The following ADAMTSL1 variants were observed in gnomAD, a reference collection of about 807,000 sequenced individuals.
ADAMTSL1 encodes the protein ADAMTS like 1.
ADAMTSL1 carries 126 observed loss-of-function variants against 201.8 expected under a neutral mutation model. That is an observed-to-expected ratio of 0.62 (90% CI 0.54 to 0.72). The LOEUF is 0.72. Ranked by LOEUF, ADAMTSL1 falls within the 30% of genes least tolerant of loss-of-function variation. The pLI is 0.00. For synonymous variants in ADAMTSL1, 1,121 were observed against 903.4 expected, an observed-to-expected ratio of 1.24 and a Z score of -4.32; for missense variants, 2,679 against 2,277.8, an observed-to-expected ratio of 1.18 and a Z score of -3.59.
At chr9:18,554,542 T>G (rs1257727152) in intron 3 of ADAMTSL1, among the ~76,000 whole-genome samples, 1 of 151,802 alleles carries the variant, frequency 6.6e-6, no homozygotes, top group Non-Finnish European at 1.5e-5. Flanking sequence ...CTAAGTGAAT[T>G]GTTTCCCAAA....
intron 2 of ADAMTSL1, among the ~76,000 whole-genome samples, chr9:18,385,848 A>G (rs1483608847): frequency 6.6e-6 from 1 of 152,202 alleles, no homozygotes; most frequent in Non-Finnish European, 1.5e-5. Flanking sequence ...ATGGTGCAGG[A>G]AAGGAGTTAT....
intron 20 of ADAMTSL1, among the ~76,000 whole-genome samples, chr9:18,801,911 C>T (rs879375171): frequency 6.6e-6 from 1 of 152,078 alleles, no homozygotes; most frequent in Non-Finnish European, 1.5e-5. Flanking sequence ...CTTTTAACAG[C>T]TTTATCAAGG....
At chr9:18,893,486 G>T (rs1040481159) in intron 26 of ADAMTSL1, among the ~76,000 whole-genome samples, 1 of 152,096 alleles carries the variant, frequency 6.6e-6, no homozygotes, top group East Asian at 1.9e-4. Context: ...AGGCCAGTAC[G>T]TGTCGAGCTT....
chr9:18,475,798 CA>C (rs1821419794), intron 1 of ADAMTSL1, among the ~76,000 whole-genome samples: 2 of 152,092 alleles, frequency 1.3e-5, no homozygotes, highest in South Asian at 4.2e-4. Context: ...CATCATAAAG[CA>C]AATTACCAGT....
At chr9:18,464,015 A>G (rs1587287261) in intron 2 of ADAMTSL1, among the ~76,000 whole-genome samples, 1 of 152,352 alleles carries the variant, frequency 6.6e-6, no homozygotes, top group African/African-American at 2.4e-5. Context: ...GAGGTGGGGA[A>G]TGAATGAACA....
At chr9:18,496,096 T>G (rs1338499466) in intron 1 of ADAMTSL1, among the ~76,000 whole-genome samples, 1 of 152,208 alleles carries the variant, frequency 6.6e-6, no homozygotes. Context: ...GCTTCCAGTC[T>G]AATTGGAAAG....
Position 18,706,772 on chromosome 9 carries a change from T to G in ADAMTSL1, c.1600T>G (p.Cys534Gly). ...GTTCATCCCAGAGGCCTGGTCGGCC[T>G]GCACAGTCACCTGTGGTGTGGGGAC... ...PSFIPEAWSA[C>G]TVTCGVGTQV... Residue 534 changes from cysteine (C) to glycine (G), a missense_variant, in exon 14 of 29, where the codon TGC becomes GGC. Transcript: ENST00000380548. 8 of 1,607,040 alleles carry G rather than the reference T, an allele frequency of 5.0e-6. No homozygotes were observed. Among genetic ancestry groups the G allele is most frequent in the Non-Finnish European group, 6.8e-6 (8 of 1,176,684 alleles).
At chr9:18,174,720 A>G (rs760744908) in intron 2 of ADAMTSL1, among the ~76,000 whole-genome samples, 4 of 152,170 alleles carry the variant, frequency 2.6e-5, no homozygotes, top group African/African-American at 4.8e-5. Flanking sequence ...CTAACAAGAC[A>G]TTATTTAAAG....
At chr9:18,117,962 T>C (rs1221212006) in intron 1 of ADAMTSL1, among the ~76,000 whole-genome samples, 3 of 152,204 alleles carry the variant, frequency 2.0e-5, no homozygotes, top group Non-Finnish European at 2.9e-5. Context: ...CTTTAACCTC[T>C]TTACACTTCC....
intron 13 of ADAMTSL1, among the ~76,000 whole-genome samples, chr9:18,704,476 GTAT>G (rs1352230835): frequency 6.6e-6 from 1 of 152,142 alleles, no homozygotes; most frequent in Non-Finnish European, 1.5e-5. Context: ...TATTAAAGAA[GTAT>G]TATTCATCAC....
At chr9:18,852,007 C>G (rs1182408649) in intron 23 of ADAMTSL1, among the ~76,000 whole-genome samples, 1 of 152,186 alleles carries the variant, frequency 6.6e-6, no homozygotes, top group African/African-American at 2.4e-5. Flanking sequence ...TAACCACTGC[C>G]TGACCATCAC....
At chr9:18,748,504 CT>C (rs1240987386) in intron 15 of ADAMTSL1, among the ~76,000 whole-genome samples, 1 of 152,166 alleles carries the variant, frequency 6.6e-6, no homozygotes, top group East Asian at 1.9e-4. Context: ...GGGATGCAGC[CT>C]GTCAAAAGCA....
At chr9:18,728,532 G>A (rs975269266) in intron 15 of ADAMTSL1, among the ~76,000 whole-genome samples, 3 of 152,096 alleles carry the variant, frequency 2.0e-5, no homozygotes, top group South Asian at 2.1e-4. Context: ...CACGGATAAC[G>A]AGAAGACAAA....
At chr9:18,792,293 T>G (rs186658892) in intron 19 of ADAMTSL1, among the ~76,000 whole-genome samples, 4 of 152,284 alleles carry the variant, frequency 2.6e-5, no homozygotes, top group Non-Finnish European at 4.4e-5. Flanking sequence ...AGTTTAACAA[T>G]TCCCTCTGAT....
rs79211160 is a variant in ADAMTSL1, at chr9:18,773,510, A to G, written c.2398-2233A>G. On this transcript the variant is annotated intron_variant, in intron 17 of 28. Transcript: ENST00000380548. ...ACCACAGAATGCTTTATCAAATCAA[A>G]TGTTACTATGAAGCCAATAATCTTA... Among the ~76,000 whole-genome samples the G allele has an allele frequency of 4.1e-3, 622 of 152,286 alleles. 2 individuals are homozygous for G. Among genetic ancestry groups the G allele is most frequent in the African/African-American group, 0.014 (596 of 41,564 alleles).
chr9:18,290,536 G>A (rs1276132708), intron 2 of ADAMTSL1, among the ~76,000 whole-genome samples: 1 of 152,052 alleles, frequency 6.6e-6, no homozygotes, highest in Non-Finnish European at 1.5e-5. Flanking sequence ...GAAGAGGCCA[G>A]TTTTAAAATG....
At chr9:18,261,255 A>G (rs1051192626) in intron 2 of ADAMTSL1, among the ~76,000 whole-genome samples, 2 of 152,104 alleles carry the variant, frequency 1.3e-5, no homozygotes, top group Admixed American at 6.5e-5. Flanking sequence ...TGGTTGCTTG[A>G]GAGAGGCCTT....
At chr9:17,979,391 G>T (rs576208227) in intron 1 of ADAMTSL1, among the ~76,000 whole-genome samples, 16 of 151,928 alleles carry the variant, frequency 1.1e-4, no homozygotes, top group Middle Eastern at 6.8e-3. Flanking sequence ...TCCTCTGACT[G>T]GATAATTTCA....
intron 2 of ADAMTSL1, among the ~76,000 whole-genome samples, chr9:18,314,587 C>T (rs574793425): frequency 8.6e-5 from 13 of 151,924 alleles, no homozygotes; most frequent in African/African-American, 3.1e-4. Flanking sequence ...TTGTTCATCC[C>T]TCCCAGTGGG....
Sources: allele counts gnomAD v4.1 joint callset (sites outside exome capture counted in the v4.1 genomes callset), GRCh38; gene constraint gnomAD v4.1.1; transcripts MANE v1.5; gene names NCBI Gene and HGNC (gene_info 2026-07-23, HGNC 2026-07-21).